TG: variants seen among roughly 807,000 people sequenced by gnomAD.
TG encodes the protein thyroid hormones.
In TG, 270 loss-of-function variants were observed where a neutral mutation model predicts 324.7. The ratio of observed to expected loss-of-function variants is 0.83; its 90% CI spans 0.75 to 0.92. The LOEUF (loss-of-function observed/expected upper bound fraction) is 0.92. Ranked by LOEUF, TG falls within the 40% of genes least tolerant of loss-of-function variation. TG has a pLI of 0.00. For missense variants in TG, 3,591 were observed against 3,456.4 expected, an observed-to-expected ratio of 1.04 and a Z score of -0.98; for synonymous variants, 1,401 against 1,327.0, an observed-to-expected ratio of 1.06 and a Z score of -1.21.
intron 24 of TG, among the ~76,000 whole-genome samples, chr8:132,934,210 C>T (rs1823221635): frequency 6.6e-6 from 1 of 152,024 alleles, no homozygotes; most frequent in Non-Finnish European, 1.5e-5. Flanking sequence ...TGGTGGACAC[C>T]TGTAATCCCA....
chr8:132,923,447 C>T lies in TG; in HGVS notation c.4638C>T (p.Gly1546=), dbSNP rs116663504. 100 of 1,613,904 alleles carry T rather than the reference C, an allele frequency of 6.2e-5. No homozygotes were observed. The African/African-American group carries it at 7.7e-4, about 12-fold the overall frequency. The part of the protein sequence containing the change: ...RGSGKAFCVD[G]EGRRLPWWET... Reference sequence around the variant, plus strand: ...GTGGGAAGGCCTTCTGTGTGGACGGCGAGGGGCGGAGGCTGCCATGGTGGG... The same window carrying T: ...GTGGGAAGGCCTTCTGTGTGGACGGTGAGGGGCGGAGGCTGCCATGGTGGG... The change falls in exon 22 of 48, where the codon GGC becomes GGT. Residue 1546 remains glycine, a synonymous_variant. Coordinates refer to ENST00000220616, the MANE Select transcript of TG (RefSeq NM_003235.5).
intron 40 of TG, among the ~76,000 whole-genome samples, chr8:133,025,455 A>G (rs1835985314): frequency 6.6e-6 from 1 of 152,230 alleles, no homozygotes; most frequent in South Asian, 2.1e-4. Context: ...TAGAAAAGTG[A>G]GCAGAAAGGA....
intron 9 of TG, among the ~76,000 whole-genome samples, 184 bp from the exon 10 acceptor site, chr8:132,887,800 A>G (rs1374569085): frequency 6.6e-6 from 1 of 152,182 alleles, no homozygotes; most frequent in African/African-American, 2.4e-5. Flanking sequence ...AACTGATGTC[A>G]ATGGTGCTGA....
intron 41 of TG, chr8:133,059,962 A>G (rs1842123512): frequency 2.3e-6 from 2 of 863,996 alleles, no homozygotes; most frequent in East Asian, 5.8e-5. Context: ...CACAAACAAA[A>G]CTAGAGAGAC....
chr8:132,941,645 G>T, intron 26 of TG, 103 bp downstream of exon 26: 1 of 1,348,542 alleles, frequency 7.4e-7, no homozygotes, highest in Non-Finnish European at 1.1e-6. Context: ...AGTACAGTGT[G>T]AGTGCCTACA....
chr8:133,128,455 CA>C (rs1851704037), intron 45 of TG, among the ~76,000 whole-genome samples: 1 of 151,890 alleles, frequency 6.6e-6, no homozygotes, highest in African/African-American at 2.4e-5. Flanking sequence ...TCAACTTCAG[CA>C]ACCTTAACTC....
intron 43 of TG, among the ~76,000 whole-genome samples, chr8:133,099,171 AG>A (rs1371827631): frequency 6.6e-6 from 1 of 152,258 alleles, no homozygotes; most frequent in Non-Finnish European, 1.5e-5. Context: ...AGCCTCTCTA[AG>A]GGCACAGCAG....
At chr8:132,939,495 G>A (rs1055793964) in intron 25 of TG, among the ~76,000 whole-genome samples, 19 of 152,172 alleles carry the variant, frequency 1.2e-4, no homozygotes, top group Admixed American at 3.3e-4. Flanking sequence ...TTCAAATAAA[G>A]CTGGGCTTTG....
At position 132,886,982 on chromosome 8, in the gene TG, C is replaced by A. The variant is rs1454102101; in HGVS notation, c.1610C>A (p.Ala537Asp). Reference sequence around the variant, plus strand: ...AATTCTTCCACAGGAACCCCTGAAGCTGCTAAGAAGGATGGTACTATGAAT... The same window carrying A: ...AATTCTTCCACAGGAACCCCTGAAGATGCTAAGAAGGATGGTACTATGAAT... Reference protein sequence around the residue: ...DSNSSTGTPEAAKKDGTMNKP... With the variant: ...DSNSSTGTPEDAKKDGTMNKP... Residue 537 changes from alanine to aspartate, a missense_variant, in exon 9 of 48, where the codon GCT (alanine) becomes GAT (aspartate). Ala to Asp is a moderately radical substitution (Grantham distance 126). Coordinates refer to ENST00000220616, the MANE Select transcript of TG (RefSeq NM_003235.5). 6.2e-7 allele frequency: 1 copy of A among 1,614,206 alleles called. No homozygotes were observed.
At chr8:132,979,889 A>G (rs145918426) in intron 34 of TG, among the ~76,000 whole-genome samples, 2,442 of 152,262 alleles carry the variant, frequency 0.016, 33 homozygotes, top group Non-Finnish European at 0.026. Context: ...CCCCCACTTC[A>G]GATACCAATC....
chr8:133,092,305 C>T (rs17630941), intron 41 of TG, among the ~76,000 whole-genome samples: 38,840 of 151,876 alleles, frequency 0.26, 5,169 homozygotes, highest in South Asian at 0.3. Flanking sequence ...TTCGGAGGCC[C>T]GAGGAACAAA....
At position 132,893,791 on chromosome 8, in the gene TG, G is replaced by T. The variant is rs767858769; in HGVS notation, c.2863G>T (p.Glu955Ter). The change falls in exon 11 of 48, where the codon GAG (glutamate) becomes TAG (stop). Residue 955 changes from glutamate to a stop codon, truncating the protein, a stop_gained. Coordinates refer to ENST00000220616, the MANE Select transcript of TG (RefSeq NM_003235.5). LOFTEE classifies it high-confidence loss of function. ...CAACAGTTCTCGGTTCCCTCTGGGG[G>T]AGAGTTTCCTGGTGGCCAAGGGAAT... ...ASNSSRFPLG[E>*]SFLVAKGIRL... 1 of 1,614,002 alleles carries T rather than the reference G, an allele frequency of 6.2e-7. No homozygotes were observed. Among genetic ancestry groups the T allele is most frequent in the Non-Finnish European group, 8.5e-7 (1 of 1,179,928 alleles).
In TG at chr8:132,969,679, G is replaced by A. The variant is rs185370226; in HGVS notation, c.5975+110G>A. 313 of 808,418 alleles carry A rather than the reference G, an allele frequency of 3.9e-4. 2 individuals carry two copies. The highest frequency in any genetic ancestry group is 2.4e-3 in the African/African-American group (140 of 58,788). The allele number at this position is 808,418 out of a possible 1,614,324, so 50.1% of individuals were successfully genotyped here. A position where few individuals can be genotyped will look rare whatever the true frequency, so the allele number is the denominator to read the frequency against. On this transcript the variant is annotated intron_variant, in intron 32 of 47. Coordinates refer to ENST00000220616, the MANE Select transcript of TG (RefSeq NM_003235.5). ...AGCATACCCAGCACTTTGGGAGGCCGAGCTGGGCTGATCACGAGGTCAAGA... is the reference window on the plus strand; with the variant it reads ...AGCATACCCAGCACTTTGGGAGGCCAAGCTGGGCTGATCACGAGGTCAAGA...
At chr8:132,969,984 G>T (rs566510134) in intron 32 of TG, among the ~76,000 whole-genome samples, 1 of 150,444 alleles carries the variant, frequency 6.6e-6, no homozygotes, top group South Asian at 2.1e-4. Flanking sequence ...ATAATAAGGA[G>T]GTAACCATAT....
At chr8:132,980,288 A>T (rs1830663649) in intron 34 of TG, among the ~76,000 whole-genome samples, 1 of 152,094 alleles carries the variant, frequency 6.6e-6, no homozygotes, top group South Asian at 2.1e-4. Context: ...AGAAGAAGAG[A>T]ACAGCTGGAG....
chr8:132,888,595 A>ATGTGTGTGTGTG, intron 10 of TG, 27 bp downstream of exon 10: 1 of 1,337,948 alleles, frequency 7.5e-7, no homozygotes, highest in South Asian at 1.4e-5. Context: ...GAAGAGTTAA[A>ATGTGTGTGTGTG]TGTGTGTGTG....
At chr8:133,012,556 A>G (rs1445589858) in intron 36 of TG, among the ~76,000 whole-genome samples, 1 of 152,260 alleles carries the variant, frequency 6.6e-6, no homozygotes, top group Admixed American at 6.5e-5. Flanking sequence ...AACAAAAGCT[A>G]GGTAACCACT....
intron 45 of TG, among the ~76,000 whole-genome samples, chr8:133,123,716 G>A (rs1407361254): frequency 7.1e-6 from 1 of 140,330 alleles, no homozygotes; most frequent in Non-Finnish European, 1.6e-5. Flanking sequence ...CAGGTTTGGG[G>A]ACCGCACCCC....
chr8:132,905,445 C>A (rs1359167530), intron 16 of TG, among the ~76,000 whole-genome samples: 1 of 152,300 alleles, frequency 6.6e-6, no homozygotes, highest in Admixed American at 6.5e-5. Context: ...GTCATTCTTC[C>A]TCTTTGAAGC....
Sources: allele counts gnomAD v4.1 joint callset (sites outside exome capture counted in the v4.1 genomes callset), GRCh38; gene constraint gnomAD v4.1.1; transcripts MANE v1.5; gene names NCBI Gene and HGNC (gene_info 2026-07-23, HGNC 2026-07-21).